Variants in MYO5B observed in about 807,000 individuals in gnomAD.
The protein encoded by MYO5B is myosin VB.
In MYO5B, 143 loss-of-function variants were observed where a neutral mutation model predicts 229.3. The ratio of observed to expected loss-of-function variants is 0.62; its 90% CI spans 0.54 to 0.72. MYO5B has a LOEUF of 0.72. MYO5B is among the 30% of genes least tolerant of loss of function. The probability of loss-of-function intolerance (pLI) is 0.00; values close to 1 mark genes in which losing one functional copy is unlikely to be tolerated. For missense variants in MYO5B, 2,321 were observed against 2,331.0 expected (o/e 1.00, Z 0.09); for synonymous variants, 918 against 885.2 (o/e 1.04, Z -0.66).
intron 2 of MYO5B, among the ~76,000 whole-genome samples, chr18:50,044,537 C>G (rs954364853): frequency 2.0e-5 from 3 of 152,062 alleles, no homozygotes; most frequent in Non-Finnish European, 4.4e-5. Flanking sequence ...GAATCAGGAA[C>G]AGATGGAGGT....
intron 1 of MYO5B, among the ~76,000 whole-genome samples, chr18:50,165,045 C>T (rs1443582115): frequency 6.6e-6 from 1 of 152,232 alleles, no homozygotes; most frequent in African/African-American, 2.4e-5. Flanking sequence ...ATGCTGGGCA[C>T]AGGCCCCTCA....
At chr18:50,086,329 A>T (rs943202682) in intron 1 of MYO5B, among the ~76,000 whole-genome samples, 1 of 152,218 alleles carries the variant, frequency 6.6e-6, no homozygotes, top group Non-Finnish European at 1.5e-5. Flanking sequence ...CCATGACTAG[A>T]TACACCTGTA....
chr18:49,828,702 A>G (rs1445655479), intron 39 of MYO5B, among the ~76,000 whole-genome samples: 1 of 152,228 alleles, frequency 6.6e-6, no homozygotes, highest in Non-Finnish European at 1.5e-5. Flanking sequence ...GCCATATGAA[A>G]TATTTTTTCT....
At chr18:50,152,293 T>C (rs1239593780) in intron 1 of MYO5B, among the ~76,000 whole-genome samples, 2 of 152,178 alleles carry the variant, frequency 1.3e-5, no homozygotes, top group African/African-American at 4.8e-5. Flanking sequence ...TAGGTTTCCT[T>C]AGGTGTTTAG....
chr18:49,939,155 T>TTC (rs1273297683), intron 14 of MYO5B, among the ~76,000 whole-genome samples: 3 of 148,682 alleles, frequency 2.0e-5, no homozygotes, highest in African/African-American at 7.4e-5. Flanking sequence ...TTTCTTTTTT[T>TTC]TTTTTTTTTT....
intron 22 of MYO5B, among the ~76,000 whole-genome samples, chr18:49,892,304 C>T (rs537043983): frequency 5.3e-5 from 8 of 152,324 alleles, no homozygotes; most frequent in East Asian, 1.9e-4. Flanking sequence ...CTAACCTATG[C>T]GACAGAGCTG....
intron 1 of MYO5B, among the ~76,000 whole-genome samples, chr18:50,192,158 T>C (rs2033237446): frequency 1.3e-5 from 2 of 151,942 alleles, no homozygotes; most frequent in African/African-American, 4.8e-5. Context: ...ACCACAGACA[T>C]CTCAATTGGT....
chr18:50,044,038 A>C (rs1007479107), intron 2 of MYO5B, among the ~76,000 whole-genome samples: 5 of 152,180 alleles, frequency 3.3e-5, no homozygotes, highest in Admixed American at 2.6e-4. Context: ...TATGGCAATA[A>C]AAAATTTTTT....
rs2144150553 is a variant in MYO5B, at chr18:49,906,476, C to T, written c.2357G>A (p.Arg786Lys). 1.2e-6 allele frequency: 2 copies of T among 1,614,210 alleles called. No individual in the cohort carries two copies. The highest frequency in any genetic ancestry group is 1.7e-6 in the Non-Finnish European group (2 of 1,180,038). Residue 786 changes from arginine (R) to lysine (K), a missense_variant, in exon 19 of 40, where the codon AGG becomes AAG. Coordinates refer to ENST00000285039, the MANE Select transcript of MYO5B (RefSeq NM_001080467.3). Reference sequence around the variant, plus strand: ...CAGGGTTAAGGTAGCCCCCTTCAGCCTGTGATATTTCACCTTCTGCAGCCA... The same window carrying T: ...CAGGGTTAAGGTAGCCCCCTTCAGCTTGTGATATTTCACCTTCTGCAGCCA... ...RGWLQKVKYH[R>K]LKGATLTLQR...
intron 1 of MYO5B, among the ~76,000 whole-genome samples, chr18:50,139,043 T>A (rs139325267): frequency 1.1e-4 from 17 of 152,362 alleles, no homozygotes; most frequent in Non-Finnish European, 2.5e-4. Context: ...CTTCCCCAGA[T>A]AACTTATTTA....
chr18:49,975,555 G>A (rs2025741116), intron 9 of MYO5B, among the ~76,000 whole-genome samples: 1 of 152,128 alleles, frequency 6.6e-6, no homozygotes, highest in Admixed American at 6.6e-5. Flanking sequence ...CAAGAAGCAA[G>A]CGTTTTAAGT....
intron 10 of MYO5B, among the ~76,000 whole-genome samples, chr18:49,968,891 C>T (rs1169625161): frequency 6.6e-6 from 1 of 152,140 alleles, no homozygotes; most frequent in Non-Finnish European, 1.5e-5. Context: ...CTGGCATGGA[C>T]AGAGAGAACA....
At chr18:50,168,344 C>G (rs903646609) in intron 1 of MYO5B, among the ~76,000 whole-genome samples, 4 of 152,236 alleles carry the variant, frequency 2.6e-5, no homozygotes, top group Non-Finnish European at 4.4e-5. Context: ...TTTGAGAGGC[C>G]TGCAGTTCCA....
At chr18:50,080,802 T>C (rs1470878096) in intron 1 of MYO5B, among the ~76,000 whole-genome samples, 2 of 152,102 alleles carry the variant, frequency 1.3e-5, no homozygotes, top group African/African-American at 4.8e-5. Flanking sequence ...AACTTCAAAA[T>C]AAGCACAGGG....
intron 29 of MYO5B, 67 bp from the exon 30 acceptor site, chr18:49,856,957 C>T: frequency 1.5e-6 from 2 of 1,366,768 alleles, no homozygotes; most frequent in Non-Finnish European, 2.1e-6. Flanking sequence ...GCAGGGAGTC[C>T]TGGAAAGTGA....
At chr18:49,904,865 G>C (rs1459500947) in intron 19 of MYO5B, 37 bp from the exon 20 acceptor site, 1 of 1,609,156 alleles carries the variant, frequency 6.2e-7, no homozygotes, top group African/African-American at 1.3e-5. Context: ...GTCAGGGAGA[G>C]AGTATTGACC....
chr18:49,942,390 A>ACC lies in MYO5B; in HGVS notation c.1753-4994_1753-4993insGG, dbSNP rs1401705010. Among the ~76,000 whole-genome samples the ACC allele has an allele frequency of 5.2e-5, 7 of 133,622 alleles. No homozygotes were observed. In the South Asian group the frequency reaches 1.8e-3, roughly 35 times the overall value. The allele number at this position is 133,622 out of a possible 152,430, so 87.7% of individuals were successfully genotyped here. On this transcript the variant is annotated intron_variant, in intron 14 of 39. Transcript: ENST00000285039. ...AGAGCTTCTGCACAGCAAAAAAAAAAAAAAAAAAAAAAAAACTACCGTCAG... is the reference window on the plus strand; with the variant it reads ...AGAGCTTCTGCACAGCAAAAAAAAAACCAAAAAAAAAAAAAAACTACCGTCAG...
At chr18:49,984,265 G>C (rs572930475) in intron 8 of MYO5B, among the ~76,000 whole-genome samples, 1 of 152,340 alleles carries the variant, frequency 6.6e-6, no homozygotes, top group Non-Finnish European at 1.5e-5. Flanking sequence ...AATTAACGCT[G>C]TATGTGTGAT....
intron 1 of MYO5B, among the ~76,000 whole-genome samples, chr18:50,168,801 A>G (rs2032889604): frequency 7.8e-6 from 1 of 128,406 alleles, no homozygotes; most frequent in South Asian, 2.7e-4. Context: ...GAAATCCTAA[A>G]GAACAGCTCA....
Sources: gnomAD v4.1 joint callset for allele counts (sites outside exome capture counted in the v4.1 genomes callset) on GRCh38, gnomAD v4.1.1 for gene constraint, MANE v1.5 for transcripts, NCBI Gene and HGNC (gene_info 2026-07-23, HGNC 2026-07-21) for gene names.